The following SSBP2 variants were observed in gnomAD, a reference collection of about 807,000 sequenced individuals.
SSBP2 encodes single stranded DNA binding protein 2, also known as single-stranded DNA-binding protein 2.
SSBP2 carries 17 observed loss-of-function variants against 61.8 expected under a neutral mutation model. The ratio of observed to expected loss-of-function variants is 0.28; its 90% confidence interval spans 0.19 to 0.41. SSBP2 has a LOEUF of 0.41. Among genes scored for constraint, SSBP2 ranks in the 10% least tolerant of loss-of-function variants. SSBP2 has a pLI of 1.00. For synonymous variants in SSBP2, 139 were observed against 141.3 expected, an observed-to-expected ratio of 0.98 and a Z score of 0.12; for missense variants, 310 against 458.7, an observed-to-expected ratio of 0.68 and a Z score of 2.96.
rs565646710 is a variant in SSBP2, at chr5:81,450,330, T to C, written c.688-1505A>G. On this transcript the variant is annotated intron_variant, in intron 10 of 16. Transcript: ENST00000320672. ...AGCTGCTGTGCTGGGCCTACTTCTC[T>C]TTATTTAAATGTGAGTCTGCCCTTT... is the stretch of plus-strand genomic sequence containing the variant. Among the ~76,000 whole-genome samples the C allele has an allele frequency of 6.6e-4, 101 of 152,310 alleles. 2 individuals carry two copies. In the South Asian group the frequency reaches 0.013, roughly 20 times the overall value.
At position 81,617,011 on chromosome 5, in the gene SSBP2, A is replaced by G. The variant is rs1338912239; in HGVS notation, c.198-1454T>C. 4.8e-5 allele frequency among the ~76,000 whole-genome samples: 5 copies of G among 104,208 alleles called. No individual in the cohort carries two copies. In the East Asian group the frequency reaches 9.0e-4, roughly 19 times the overall value. The allele number at this position is 104,208 out of a possible 152,430, so 68.4% of individuals were successfully genotyped here. A position where few individuals can be genotyped will look rare whatever the true frequency, so the allele number is the denominator to read the frequency against. On this transcript the variant is annotated intron_variant, in intron 3 of 16. Coordinates refer to ENST00000320672, the MANE Select transcript of SSBP2 (RefSeq NM_012446.5). ...ACCACAAAGATGGGGAAAAAACAGA[A>G]CAGAAAAACTGGAAACTCTAAAACG... is the stretch of plus-strand genomic sequence containing the variant.
At chr5:81,751,280 CT>C, upstream of SSBP2, 1 of 578,194 alleles carries the variant, frequency 1.7e-6, no homozygotes, top group African/African-American at 1.9e-5. Flanking sequence ...CCCTCCTTCC[CT>C]CCCTCCCCGA....
Position 81,751,039 on chromosome 5 carries a change from A to T in SSBP2, c.4T>A (p.Tyr2Asn). The change falls in exon 1 of 17, where the codon TAC becomes AAC. Residue 2 changes from tyrosine to asparagine, a missense_variant. Tyr to Asn is a moderately radical substitution (Grantham distance 143). Coordinates refer to ENST00000320672, the MANE Select transcript of SSBP2 (RefSeq NM_012446.5). ...CTGCTGTTACTCTTGCCTTTGCCGT[A>T]CATGCTTGTGCCGAGAGCAGCTCCC... 1 of 1,595,732 alleles carries T rather than the reference A, an allele frequency of 6.3e-7. No individual in the cohort carries two copies. The highest frequency in any genetic ancestry group is 8.5e-7 in the Non-Finnish European group (1 of 1,171,220).
intron 1 of SSBP2, among the ~76,000 whole-genome samples, chr5:81,675,952 C>T (rs766994850): frequency 1.1e-4 from 16 of 152,134 alleles, no homozygotes; most frequent in South Asian, 2.1e-4. Flanking sequence ...AGACCCACTA[C>T]GTCAGTCAAT....
intron 1 of SSBP2, among the ~76,000 whole-genome samples, chr5:81,710,205 G>A (rs566029133): frequency 6.6e-6 from 1 of 152,120 alleles, no homozygotes; most frequent in South Asian, 2.1e-4. Context: ...AATTATAATG[G>A]GTGTAAAGGG....
intron 4 of SSBP2, among the ~76,000 whole-genome samples, chr5:81,518,941 G>A (rs1185463643): frequency 6.6e-6 from 1 of 152,056 alleles, no homozygotes. Context: ...TTGTATTTCT[G>A]AGATAAGTCA....
intron 2 of SSBP2, among the ~76,000 whole-genome samples, chr5:81,639,285 TTACTA>T (rs1475018493): frequency 6.6e-6 from 1 of 152,186 alleles, no homozygotes; most frequent in Non-Finnish European, 1.5e-5. Context: ...AAGTTAGAGT[TTACTA>T]TAATAAAAAT....
At chr5:81,629,477 G>C (rs187868021) in intron 3 of SSBP2, among the ~76,000 whole-genome samples, 99 of 152,214 alleles carry the variant, frequency 6.5e-4, no homozygotes, top group Non-Finnish European at 9.7e-4. Flanking sequence ...TAGATGAACT[G>C]GTCCATACCA....
chr5:81,531,970 C>T lies in SSBP2; in HGVS notation c.283-18253G>A, dbSNP rs115189258. Among the ~76,000 whole-genome samples, 926 of 152,128 alleles carry T rather than the reference C, an allele frequency of 6.1e-3. 12 individuals carry two copies. The highest frequency in any genetic ancestry group is 0.021 in the African/African-American group (888 of 41,516). On this transcript the variant is annotated intron_variant, in intron 4 of 16. Coordinates refer to ENST00000320672, the MANE Select transcript of SSBP2 (RefSeq NM_012446.5). ...ATCCATGCATCTCATTCCAAATGTT[C>T]TCAGTTTTCTCTGTCAAGAGATATG...
At chr5:81,590,295 A>G (rs189712435) in intron 4 of SSBP2, among the ~76,000 whole-genome samples, 124 of 152,348 alleles carry the variant, frequency 8.1e-4, no homozygotes, top group African/African-American at 2.8e-3. Flanking sequence ...ACAGTTTAAT[A>G]GTATGATTAT....
rs200882102 is a variant in SSBP2 at position 81,515,783 on chromosome 5, G to GT, written c.283-2067dup. 5.4e-3 allele frequency among the ~76,000 whole-genome samples: 815 copies of GT among 150,722 alleles called. 4 individuals carry two copies. The highest frequency in any genetic ancestry group is 0.018 in the African/African-American group (762 of 41,204). The stretch of plus-strand genomic sequence containing the variant: ...GTTCTTAATTATATATGTTTCCTGG[G>GT]TTTTTTTTCTTGCTATTACGTAAAA... On this transcript the variant is annotated intron_variant, in intron 4 of 16. Transcript: ENST00000320672.
chr5:81,511,901 A>G (rs1300794913), intron 5 of SSBP2, among the ~76,000 whole-genome samples: 1 of 152,168 alleles, frequency 6.6e-6, no homozygotes, highest in Non-Finnish European at 1.5e-5. Context: ...AACGGTTTCA[A>G]TTACTCTTAC....
At chr5:81,637,557 ATAAACT>A (rs1487671943) in intron 2 of SSBP2, among the ~76,000 whole-genome samples, 2 of 152,376 alleles carry the variant, frequency 1.3e-5, no homozygotes, top group East Asian at 3.9e-4. Flanking sequence ...GGATATGGGC[ATAAACT>A]TTAACTTTCC....
chr5:81,707,447 G>A (rs1235504958), intron 1 of SSBP2, among the ~76,000 whole-genome samples: 1 of 152,134 alleles, frequency 6.6e-6, no homozygotes, highest in Non-Finnish European at 1.5e-5. Context: ...GAGGGAAGGT[G>A]ACATGAAGAG....
chr5:81,718,870 G>A (rs576032196), intron 1 of SSBP2, among the ~76,000 whole-genome samples: 5 of 152,284 alleles, frequency 3.3e-5, no homozygotes, highest in Admixed American at 2.6e-4. Context: ...ACCATGAAAA[G>A]TAGTTTGGAC....
At chr5:81,637,427 T>C (rs988401603) in intron 2 of SSBP2, among the ~76,000 whole-genome samples, 2 of 152,250 alleles carry the variant, frequency 1.3e-5, no homozygotes, top group Non-Finnish European at 2.9e-5. Context: ...CATATTACAT[T>C]CTCTGTTGAA....
At chr5:81,438,243 C>T (rs559031103) in intron 14 of SSBP2, among the ~76,000 whole-genome samples, 2 of 150,468 alleles carry the variant, frequency 1.3e-5, no homozygotes, top group African/African-American at 2.4e-5. Flanking sequence ...CCCAGCTACT[C>T]GGGAGGCTGA....
chr5:81,711,411 C>T (rs1420174849), intron 1 of SSBP2, among the ~76,000 whole-genome samples: 1 of 151,984 alleles, frequency 6.6e-6, no homozygotes, highest in African/African-American at 2.4e-5. Flanking sequence ...CAGCTCATCG[C>T]TTTGCCAGAA....
At chr5:81,463,375 G>A (rs1054705047) in intron 9 of SSBP2, among the ~76,000 whole-genome samples, 2 of 152,190 alleles carry the variant, frequency 1.3e-5, no homozygotes, top group Admixed American at 1.3e-4. Flanking sequence ...TATAAGTATG[G>A]TTTGAAGTAG....
Sources: allele counts gnomAD v4.1 joint callset (sites outside exome capture counted in the v4.1 genomes callset), GRCh38; gene constraint gnomAD v4.1.1; transcripts MANE v1.5; gene names NCBI Gene and HGNC (gene_info 2026-07-23, HGNC 2026-07-21).